The following GABRB2 variants were observed in gnomAD, a reference collection of about 807,000 sequenced individuals.
GABRB2 encodes the protein gamma-aminobutyric acid type A receptor subunit beta2, also known as gamma-aminobutyric acid receptor subunit beta-2.
In GABRB2, 16 loss-of-function variants were observed where a neutral mutation model predicts 54.7. The observed-to-expected ratio is 0.29, with a 90% CI of 0.20 to 0.44. GABRB2 has a LOEUF of 0.44. Ranked by LOEUF, GABRB2 falls within the 20% of genes least tolerant of loss-of-function variation. GABRB2 has a pLI of 1.00. For synonymous variants in GABRB2, 244 were observed against 233.8 expected (o/e 1.04, Z -0.40); for missense variants, 355 against 644.0 (o/e 0.55, Z 4.86).
At chr5:161,441,261 T>C (rs1051321043) in intron 4 of GABRB2, among the ~76,000 whole-genome samples, 1 of 152,100 alleles carries the variant, frequency 6.6e-6, no homozygotes, top group African/African-American at 2.4e-5. Context: ...CAAACAACTC[T>C]TTAGGAAAAA....
intron 4 of GABRB2, among the ~76,000 whole-genome samples, chr5:161,452,936 C>T (rs1757833255): frequency 6.6e-6 from 1 of 152,174 alleles, no homozygotes; most frequent in Admixed American, 6.5e-5. Context: ...GCAGAGGTTG[C>T]TGTGAGTCGA....
At position 161,546,552 on chromosome 5, in the gene GABRB2, G is replaced by A. The variant is rs747055767; in HGVS notation, c.77+15C>T. The A allele has an allele frequency of 5.7e-6, 9 of 1,589,316 alleles. No individual in the cohort carries two copies. The East Asian group carries it at 1.6e-4, about 28-fold the overall frequency. ...CAAAGTGAGAACGGAAAAGAGAAAC[G>A]CTGGGCACACTTACCTCTGCGCACA... On this transcript the variant is annotated intron_variant, in intron 1 of 9. Coordinates refer to ENST00000393959, the MANE Select transcript of GABRB2 (RefSeq NM_001371727.1).
Position 161,539,504 on chromosome 5 carries a change from A to G in GABRB2, c.237+5723T>C, listed in dbSNP as rs540845785. 5.9e-5 allele frequency among the ~76,000 whole-genome samples: 9 copies of G among 152,340 alleles called. No homozygotes were observed. In the East Asian group the frequency reaches 9.6e-4, roughly 16 times the overall value. ...CTTCTTTATATCCAATAGAGCTACT[A>G]TAACTAGCCAAGTCAGAGAAACATG... On this transcript the variant is annotated intron_variant, in intron 3 of 9. Transcript: ENST00000393959.
chr5:161,351,092 G>A (rs1754458946), intron 5 of GABRB2, among the ~76,000 whole-genome samples: 1 of 152,026 alleles, frequency 6.6e-6, no homozygotes, highest in Admixed American at 6.6e-5. Flanking sequence ...ATACACACAT[G>A]TTCATGAGTT....
intron 3 of GABRB2, among the ~76,000 whole-genome samples, chr5:161,468,355 C>G (rs185666932): frequency 6.6e-5 from 10 of 152,156 alleles, no homozygotes; most frequent in Non-Finnish European, 1.5e-4. Flanking sequence ...CTCACTAAGC[C>G]CATCCACACT....
At chr5:161,358,443 G>T (rs560005483) in intron 5 of GABRB2, among the ~76,000 whole-genome samples, 1 of 152,280 alleles carries the variant, frequency 6.6e-6, no homozygotes, top group Admixed American at 6.5e-5. Context: ...GGAATAAGTG[G>T]CATGGTAGCT....
At chr5:161,524,072 A>T (rs1760198761) in intron 3 of GABRB2, among the ~76,000 whole-genome samples, 1 of 151,420 alleles carries the variant, frequency 6.6e-6, no homozygotes, top group South Asian at 2.1e-4. Flanking sequence ...GAATAGTCAG[A>T]AAAACAGACA....
intron 3 of GABRB2, among the ~76,000 whole-genome samples, chr5:161,513,384 T>G (rs897847258): frequency 6.6e-6 from 1 of 151,948 alleles, no homozygotes; most frequent in Admixed American, 6.6e-5. Flanking sequence ...CCAACCTAAG[T>G]GCCCATCAAC....
At chr5:161,517,378 T>C (rs1398370347) in intron 3 of GABRB2, among the ~76,000 whole-genome samples, 1 of 152,224 alleles carries the variant, frequency 6.6e-6, no homozygotes, top group East Asian at 1.9e-4. Flanking sequence ...GATATCCTTA[T>C]TTTTAAAATG....
At chr5:161,450,123 G>C (rs760412168) in intron 4 of GABRB2, among the ~76,000 whole-genome samples, 1 of 152,020 alleles carries the variant, frequency 6.6e-6, no homozygotes. Context: ...TCTTGGAAGC[G>C]CAGCTGGCTT....
chr5:161,506,141 A>G (rs1581041960), intron 3 of GABRB2, among the ~76,000 whole-genome samples: 1 of 152,124 alleles, frequency 6.6e-6, no homozygotes, highest in African/African-American at 2.4e-5. Flanking sequence ...GCAATTATAC[A>G]TCAGGAAAAT....
intron 4 of GABRB2, among the ~76,000 whole-genome samples, chr5:161,418,130 T>C (rs1756736025): frequency 1.3e-5 from 2 of 152,208 alleles, no homozygotes; most frequent in Non-Finnish European, 2.9e-5. Context: ...ATTCAGGCAC[T>C]ATTATGAAGA....
intron 4 of GABRB2, among the ~76,000 whole-genome samples, chr5:161,428,759 C>A (rs1467074694): frequency 1.3e-5 from 2 of 151,996 alleles, no homozygotes; most frequent in South Asian, 2.1e-4. Flanking sequence ...ACCTTAAGGA[C>A]CTTAAAATCA....
intron 9 of GABRB2, among the ~76,000 whole-genome samples, chr5:161,325,898 A>G (rs1199013711): frequency 6.6e-6 from 1 of 152,100 alleles, no homozygotes; most frequent in African/African-American, 2.4e-5. Flanking sequence ...ATAACAAGAA[A>G]TCAACAAGGA....
chr5:161,381,098 A>C (rs1396295597), intron 5 of GABRB2, among the ~76,000 whole-genome samples: 1 of 152,134 alleles, frequency 6.6e-6, no homozygotes, highest in Non-Finnish European at 1.5e-5. Flanking sequence ...AATCTTTTTC[A>C]GTAGAGAAAA....
At chr5:161,490,447 C>T (rs1261812552) in intron 3 of GABRB2, among the ~76,000 whole-genome samples, 1 of 151,602 alleles carries the variant, frequency 6.6e-6, no homozygotes, top group Non-Finnish European at 1.5e-5. Flanking sequence ...CCTCCTAAAG[C>T]CTTTTCATCA....
intron 3 of GABRB2, among the ~76,000 whole-genome samples, chr5:161,501,292 T>C (rs1759433114): frequency 7.0e-6 from 1 of 143,788 alleles, no homozygotes; most frequent in Non-Finnish European, 1.6e-5. Context: ...TGACAAGTCT[T>C]TGTTAAAAAA....
chr5:161,415,999 A>C (rs1756655722), intron 4 of GABRB2, among the ~76,000 whole-genome samples: 2 of 145,246 alleles, frequency 1.4e-5, no homozygotes, highest in Non-Finnish European at 3.0e-5. Context: ...AGGGCAGTGG[A>C]ATGATCTCAG....
chr5:161,532,614 A>T (rs560837456), intron 3 of GABRB2, among the ~76,000 whole-genome samples: 1 of 152,122 alleles, frequency 6.6e-6, no homozygotes, highest in Non-Finnish European at 1.5e-5. Context: ...CACCCCTCTC[A>T]TGTCCCACTG....
Sources: gnomAD v4.1 joint callset for allele counts (sites outside exome capture counted in the v4.1 genomes callset) on GRCh38, gnomAD v4.1.1 for gene constraint, MANE v1.5 for transcripts, NCBI Gene and HGNC (gene_info 2026-07-23, HGNC 2026-07-21) for gene names.